The following RANBP2 variants were observed in gnomAD, a reference collection of about 807,000 sequenced individuals.
RANBP2 encodes E3 SUMO-protein ligase RanBP2.
In RANBP2, 57 loss-of-function variants were observed where a neutral mutation model predicts 303.6. That is an observed-to-expected ratio of 0.19 (90% CI 0.15 to 0.23). The LOEUF (loss-of-function observed/expected upper bound fraction) is 0.23. RANBP2 is among the 10% of genes least tolerant of loss of function. The probability of loss-of-function intolerance (pLI) is 1.00; values close to 1 mark genes in which losing one functional copy is unlikely to be tolerated. For synonymous variants in RANBP2, 1,167 were observed against 1,301.5 expected (o/e 0.90, Z 2.23); for missense variants, 3,138 against 3,780.8 (o/e 0.83, Z 4.46).
At chr2:108,910,821 C>G in the RANBP2 span, 19 of 1,613,822 alleles carry the variant, frequency 1.2e-5, no homozygotes, top group Non-Finnish European at 8.5e-7. Flanking sequence ...TGGGCCTCCA[C>G]GCTCTTCCCC....
the RANBP2 span, among the ~76,000 whole-genome samples, chr2:109,406,527 A>C: frequency 6.6e-6 from 1 of 152,168 alleles, no homozygotes; most frequent in African/African-American, 2.4e-5. Flanking sequence ...TGGCTCTACC[A>C]TCCTCACCTG....
the RANBP2 span, among the ~76,000 whole-genome samples, chr2:109,161,971 G>A: frequency 6.6e-5 from 10 of 152,166 alleles, no homozygotes; most frequent in East Asian, 1.9e-4. Context: ...CTTATATGTC[G>A]CAGGTGTCTA....
chr2:109,655,630 G>T, the RANBP2 span, among the ~76,000 whole-genome samples: 2 of 151,496 alleles, frequency 1.3e-5, no homozygotes, highest in Non-Finnish European at 2.9e-5. Flanking sequence ...AGAGACCCCT[G>T]CATCTTTATT....
At chr2:109,545,427 A>T in the RANBP2 span, 1 of 1,536,078 alleles carries the variant, frequency 6.5e-7, no homozygotes, top group Non-Finnish European at 8.7e-7. Context: ...CATGCTACTC[A>T]TGGCTGCCCC....
At chr2:108,967,905 T>G in the RANBP2 span, among the ~76,000 whole-genome samples, 1 of 152,132 alleles carries the variant, frequency 6.6e-6, no homozygotes, top group Non-Finnish European at 1.5e-5. Flanking sequence ...TCAAGATTAG[T>G]GAGTCTAAGA....
At chr2:109,582,106 A>T in the RANBP2 span, among the ~76,000 whole-genome samples, 2 of 126,606 alleles carry the variant, frequency 1.6e-5, no homozygotes, top group Admixed American at 1.7e-4. Context: ...ACACACACAC[A>T]CACACACTCA....
At chr2:109,411,605 G>GT in the RANBP2 span, among the ~76,000 whole-genome samples, 738 of 152,266 alleles carry the variant, frequency 4.8e-3, 4 homozygotes, top group African/African-American at 0.015. Flanking sequence ...TCATTTCTTT[G>GT]TACTTTTAGT....
At chr2:109,550,480 AT>A in the RANBP2 span, among the ~76,000 whole-genome samples, 2 of 151,230 alleles carry the variant, frequency 1.3e-5, no homozygotes, top group Non-Finnish European at 3.0e-5. Flanking sequence ...TGCCTGGCTA[AT>A]TTTTGTATTT....
the RANBP2 span, among the ~76,000 whole-genome samples, chr2:109,205,266 T>TA: frequency 6.6e-6 from 1 of 151,782 alleles, no homozygotes; most frequent in Admixed American, 6.6e-5. Flanking sequence ...TGTGACTTTT[T>TA]TTTTTTTTTT....
the RANBP2 span, among the ~76,000 whole-genome samples, chr2:109,002,429 C>A: frequency 1.3e-5 from 2 of 152,232 alleles, no homozygotes; most frequent in African/African-American, 4.8e-5. Flanking sequence ...TGTCTCCTTG[C>A]TTCCATCCTC....
chr2:109,497,089 G>A, the RANBP2 span, among the ~76,000 whole-genome samples: 4 of 152,212 alleles, frequency 2.6e-5, no homozygotes, highest in African/African-American at 7.2e-5. Context: ...GTGAGACCAC[G>A]TTGGAGTTCT....
the RANBP2 span, among the ~76,000 whole-genome samples, chr2:108,971,832 C>T: frequency 1.3e-5 from 2 of 152,172 alleles, no homozygotes; most frequent in Admixed American, 6.5e-5. Context: ...TTTAGTGACT[C>T]GTTTCTAGCC....
the RANBP2 span, among the ~76,000 whole-genome samples, chr2:109,484,062 C>A: frequency 8.4e-6 from 1 of 119,740 alleles, no homozygotes; most frequent in Non-Finnish European, 1.8e-5. Context: ...CATCCTCTGG[C>A]CTTTCTTTTT....
chr2:109,005,823 G>A, the RANBP2 span, among the ~76,000 whole-genome samples: 2 of 152,198 alleles, frequency 1.3e-5, no homozygotes, highest in African/African-American at 4.8e-5. Flanking sequence ...CTGGAAATCA[G>A]CTGTAACCAC....
the RANBP2 span, among the ~76,000 whole-genome samples, chr2:108,821,883 G>T: frequency 1.4e-5 from 2 of 148,074 alleles, no homozygotes; most frequent in Non-Finnish European, 3.0e-5. Context: ...AGGTGAGATT[G>T]TGCCACTGCG....
intron 7 of RANBP2, among the ~76,000 whole-genome samples, chr2:108,742,913 C>G (rs1388794143): frequency 6.6e-6 from 1 of 152,034 alleles, no homozygotes; most frequent in Non-Finnish European, 1.5e-5. Context: ...CTCAGCCTCC[C>G]GAGTAGCTGG....
the RANBP2 span, among the ~76,000 whole-genome samples, chr2:109,081,725 C>T: frequency 6.6e-6 from 1 of 152,198 alleles, no homozygotes; most frequent in Non-Finnish European, 1.5e-5. Context: ...ACTTGAGCAA[C>T]CCCTCGGCCC....
chr2:108,809,451 TGTGTGTG>T, the RANBP2 span, among the ~76,000 whole-genome samples: 1 of 25,948 alleles, frequency 3.9e-5, no homozygotes, highest in Non-Finnish European at 9.3e-5. Flanking sequence ...TGAAATGTTG[TGTGTGTG>T]TGTGTGTGTG....
the RANBP2 span, among the ~76,000 whole-genome samples, chr2:108,810,565 A>G: frequency 1.3e-5 from 2 of 152,058 alleles, no homozygotes; most frequent in African/African-American, 2.4e-5. Context: ...TTGGTTTGCT[A>G]ATATTTTGTT....
Sources: gnomAD v4.1 joint callset for allele counts (sites outside exome capture counted in the v4.1 genomes callset) on GRCh38, gnomAD v4.1.1 for gene constraint, MANE v1.5 for transcripts, NCBI Gene and HGNC (gene_info 2026-07-23, HGNC 2026-07-21) for gene names.